The following BPIFB3 variants were observed in gnomAD, a reference collection of about 807,000 sequenced individuals.
BPIFB3 encodes BPI fold containing family B member 3.
BPIFB3 carries 49 observed loss-of-function variants against 53.1 expected under a neutral mutation model. The observed-to-expected ratio is 0.92, with a 90% CI of 0.73 to 1.17. The LOEUF (loss-of-function observed/expected upper bound fraction) is 1.17, where lower values mean the gene tolerates loss of function less well. Ranked by LOEUF, BPIFB3 falls within the 50% of genes most tolerant of loss-of-function variation. The pLI is 0.00. For missense variants in BPIFB3, 628 were observed against 592.5 expected (o/e 1.06, Z -0.62); for synonymous variants, 271 against 269.6 (o/e 1.01, Z -0.05).
chr20:33,067,646 AT>A (rs1048210687), intron 9 of BPIFB3, among the ~76,000 whole-genome samples: 21 of 152,366 alleles, frequency 1.4e-4, no homozygotes, highest in African/African-American at 4.6e-4. Context: ...GGAGTCAGAC[AT>A]TCAGAAGAAC....
In BPIFB3 at chr20:33,064,860, CG is replaced by C; in HGVS notation, c.924+20del. 6.2e-7 allele frequency: 1 copy of C among 1,607,536 alleles called. No homozygotes were observed. Among genetic ancestry groups the C allele is most frequent in the Non-Finnish European group, 8.5e-7 (1 of 1,178,366 alleles). ...CCCCTGAGCTGGTGAGTGTGGTGCC[CG>C]GGGGATGGGGATGGGGGCTCCTTGC... On this transcript the variant is annotated intron_variant, in intron 8 of 14. Coordinates refer to ENST00000375494, the Ensembl canonical transcript of BPIFB3.
chr20:33,062,677 C>A (rs1244872203), intron 5 of BPIFB3, among the ~76,000 whole-genome samples: 2 of 152,220 alleles, frequency 1.3e-5, no homozygotes, highest in Non-Finnish European at 2.9e-5. Flanking sequence ...TCATTGCCAA[C>A]ATTCAGCATT....
intron 4 of BPIFB3, among the ~76,000 whole-genome samples, chr20:33,061,171 G>A (rs191196075): frequency 1.3e-5 from 2 of 152,232 alleles, no homozygotes; most frequent in East Asian, 1.9e-4. Context: ...CTGTCTCCAC[G>A]AGGGCCCTAA....
At chr20:33,059,285 GTGAGATAGGGGA>G (rs1980340805) in intron 2 of BPIFB3, 81 bp from the exon 4 acceptor site, 1 of 834,420 alleles carries the variant, frequency 1.2e-6, no homozygotes, top group South Asian at 1.5e-5. Flanking sequence ...TGGGTTTGAG[GTGAGATAGGGGA>G]CACCACCAAG....
At chr20:33,068,684 C>T in intron 9 of BPIFB3, 119 bp from the exon 11 acceptor site, 1 of 1,064,374 alleles carries the variant, frequency 9.4e-7, no homozygotes, top group Non-Finnish European at 1.4e-6. Flanking sequence ...GTCTTTCAGG[C>T]TGTAACCTCG....
chr20:33,062,543 A>G (rs1218396424), intron 5 of BPIFB3, among the ~76,000 whole-genome samples: 4 of 152,182 alleles, frequency 2.6e-5, no homozygotes, highest in African/African-American at 9.6e-5. Context: ...AAGCAAGACC[A>G]TGTCAGGCAG....
chr20:33,063,330 C>T (rs914790985), intron 5 of BPIFB3, among the ~76,000 whole-genome samples: 1 of 152,154 alleles, frequency 6.6e-6, no homozygotes, highest in Non-Finnish European at 1.5e-5. Context: ...CCCAAACCAG[C>T]CCCTGAAATG....
intron 6 of BPIFB3, 125 bp downstream of exon 7, chr20:33,063,800 A>C: frequency 2.1e-6 from 2 of 955,824 alleles, no homozygotes; most frequent in Non-Finnish European, 3.1e-6. Flanking sequence ...TCCTCCTCAC[A>C]CTGACAGGCT....
chr20:33,056,468 A>C, intron 1 of BPIFB3, 74 bp from the exon 3 acceptor site: 2 of 1,545,346 alleles, frequency 1.3e-6, no homozygotes, highest in Non-Finnish European at 1.8e-6. Flanking sequence ...ATCTCAGAGG[A>C]AGGAGGCAGC....
At chr20:33,064,174 G>T (rs546453635) in intron 6 of BPIFB3, among the ~76,000 whole-genome samples, 173 of 152,336 alleles carry the variant, frequency 1.1e-3, no homozygotes, top group African/African-American at 4.1e-3. Context: ...GTCTCTATGG[G>T]TGGTGTTATG....
intron 9 of BPIFB3, 148 bp downstream of exon 10, chr20:33,067,025 C>T (rs1467627980): frequency 7.5e-5 from 60 of 796,054 alleles, no homozygotes; most frequent in Admixed American, 1.6e-4. Context: ...ATGACTAACA[C>T]GACATCCTTT....
exon 7 of BPIFB3, chr20:33,064,459 C>G: frequency 6.2e-7 from 1 of 1,613,910 alleles, no homozygotes; most frequent in East Asian, 2.2e-5. Flanking sequence ...CCACGCAGGC[C>G]TGGTGTCCCT....
intron 4 of BPIFB3, 43 bp from the exon 6 acceptor site, chr20:33,061,725 G>A (rs778101577): frequency 5.5e-5 from 87 of 1,595,786 alleles, no homozygotes; most frequent in Admixed American, 1.0e-4. Context: ...GGGTTGAACC[G>A]TCCACCTGGC....
intron 14 of BPIFB3, 68 bp downstream of exon 15, chr20:33,072,861 C>A: frequency 1.5e-6 from 2 of 1,291,266 alleles, no homozygotes; most frequent in Non-Finnish European, 2.2e-6. Context: ...CTGCTTGAAA[C>A]TAATGAGGGG....
At chr20:33,071,268 G>A (rs771117828) in exon 12 of BPIFB3, 1 of 1,565,618 alleles carries the variant, frequency 6.4e-7, no homozygotes, top group Non-Finnish European at 8.7e-7. Flanking sequence ...GTGTCAAGGT[G>A]GCCTCCTCCT....
At chr20:33,062,978 C>T (rs1414408802) in intron 5 of BPIFB3, among the ~76,000 whole-genome samples, 1 of 152,232 alleles carries the variant, frequency 6.6e-6, no homozygotes, top group Admixed American at 6.5e-5. Context: ...CTTCTCTGGC[C>T]TCAGCTGGAG....
In BPIFB3 at chr20:33,072,182, GC is replaced by G. The variant is rs1568997081; in HGVS notation, c.1324+16del. 6.2e-7 allele frequency: 1 copy of G among 1,613,910 alleles called. No individual in the cohort carries two copies. Among genetic ancestry groups the G allele is most frequent in the Non-Finnish European group, 8.5e-7 (1 of 1,179,786 alleles). ...AAAGCTTAACGGTATGGCAGGTTTT[GC>G]TCTCTTGGACACATGGAGTGTCTGA... On this transcript the variant is annotated intron_variant, in intron 13 of 14. Transcript: ENST00000375494.
intron 8 of BPIFB3, among the ~76,000 whole-genome samples, chr20:33,065,938 T>G (rs560388414): frequency 1.3e-5 from 2 of 152,264 alleles, no homozygotes; most frequent in African/African-American, 4.8e-5. Context: ...ATGGGGGTAG[T>G]CATAGCCAGG....
At chr20:33,066,165 A>G (rs1980663936) in intron 8 of BPIFB3, among the ~76,000 whole-genome samples, 1 of 152,128 alleles carries the variant, frequency 6.6e-6, no homozygotes, top group African/African-American at 2.4e-5. Flanking sequence ...CTCAAACATC[A>G]GGGCCCCCGG....
Sources: allele counts gnomAD v4.1 joint callset (sites outside exome capture counted in the v4.1 genomes callset), GRCh38; gene constraint gnomAD v4.1.1; transcripts MANE v1.5; gene names NCBI Gene and HGNC (gene_info 2026-07-23, HGNC 2026-07-21).